The following OPRM1 variants were observed in gnomAD, a reference collection of about 807,000 sequenced individuals.
OPRM1 encodes the protein opioid receptor mu 1.
OPRM1 carries 27 observed loss-of-function variants against 31.8 expected under a neutral mutation model. The observed-to-expected ratio is 0.85, with a 90% CI of 0.63 to 1.17. OPRM1 has a LOEUF of 1.17. Ranked by LOEUF, OPRM1 falls within the 50% of genes most tolerant of loss-of-function variation. The pLI is 0.00. For missense variants in OPRM1, 536 were observed against 511.1 expected, an observed-to-expected ratio of 1.05 and a Z score of -0.47; for synonymous variants, 196 against 189.9, an observed-to-expected ratio of 1.03 and a Z score of -0.26.
chr6:154,042,096 C>A (rs957091075), intron 1 of OPRM1, among the ~76,000 whole-genome samples: 1 of 152,154 alleles, frequency 6.6e-6, no homozygotes. Context: ...AAAGTTCTTA[C>A]AAAATGCAGT....
intron 3 of OPRM1, chr6:154,246,557 A>G (rs1781063305): frequency 6.3e-7 from 1 of 1,581,900 alleles, no homozygotes; most frequent in Admixed American, 1.8e-5. Flanking sequence ...CCTCATTAAA[A>G]CGGCTGGGAA....
At chr6:154,105,012 A>G (rs968508759) in intron 3 of OPRM1, among the ~76,000 whole-genome samples, 17 of 152,230 alleles carry the variant, frequency 1.1e-4, no homozygotes, top group Admixed American at 2.6e-4. Flanking sequence ...CAGTTCCCCA[A>G]GGGACTTTTA....
upstream of OPRM1, chr6:154,039,135 C>T: frequency 6.5e-7 from 1 of 1,546,662 alleles, no homozygotes; most frequent in Admixed American, 2.0e-5. Context: ...CTCTCCCCAA[C>T]CCTTCTCTCC....
At chr6:154,235,764 T>C (rs1278484864) in intron 3 of OPRM1, among the ~76,000 whole-genome samples, 1 of 152,090 alleles carries the variant, frequency 6.6e-6, no homozygotes, top group Non-Finnish European at 1.5e-5. Context: ...CAAGAAGATA[T>C]GGAAATGGCC....
At chr6:154,183,317 C>T (rs761368317) in intron 3 of OPRM1, among the ~76,000 whole-genome samples, 21 of 152,150 alleles carry the variant, frequency 1.4e-4, no homozygotes, top group African/African-American at 4.6e-4. Context: ...ATTCACTTAT[C>T]GCTATGACTA....
intron 1 of OPRM1, among the ~76,000 whole-genome samples, chr6:154,014,839 T>C (rs781774500): frequency 1.3e-5 from 2 of 152,102 alleles, no homozygotes; most frequent in Non-Finnish European, 2.9e-5. Flanking sequence ...GAATAAGGCA[T>C]AGGGTATAAA....
chr6:154,240,213 A>G (rs1357886880), intron 3 of OPRM1, among the ~76,000 whole-genome samples: 2 of 152,268 alleles, frequency 1.3e-5, no homozygotes, highest in African/African-American at 4.8e-5. Context: ...TGTAATAATT[A>G]AGCAATTCCT....
intron 3 of OPRM1, among the ~76,000 whole-genome samples, chr6:154,240,881 T>C (rs1179484389): frequency 2.0e-5 from 3 of 152,222 alleles, no homozygotes; most frequent in Non-Finnish European, 2.9e-5. Context: ...AAAGTCTCTG[T>C]AATATATACA....
chr6:154,212,281 T>C (rs950265841), intron 3 of OPRM1, among the ~76,000 whole-genome samples: 2 of 152,220 alleles, frequency 1.3e-5, no homozygotes, highest in African/African-American at 2.4e-5. Context: ...TCCTCTCTAG[T>C]GAATACACAA....
At chr6:154,153,661 C>A (rs202068258) in intron 3 of OPRM1, among the ~76,000 whole-genome samples, 1 of 145,654 alleles carries the variant, frequency 6.9e-6, no homozygotes, top group Non-Finnish European at 1.5e-5. Context: ...CTCCAGCCTG[C>A]GCGACAGAGT....
chr6:154,033,060 TAGAG>T (rs1779099848), intron 1 of OPRM1, among the ~76,000 whole-genome samples: 2 of 152,102 alleles, frequency 1.3e-5, no homozygotes, highest in South Asian at 4.1e-4. Flanking sequence ...AAAAGGTTAA[TAGAG>T]AGAATGCTGG....
chr6:154,069,532 G>A (rs536286226), intron 1 of OPRM1, among the ~76,000 whole-genome samples: 3 of 152,212 alleles, frequency 2.0e-5, no homozygotes, highest in African/African-American at 4.8e-5. Flanking sequence ...CCACCGCGCC[G>A]AGCCCTGGCC....
intron 1 of OPRM1, among the ~76,000 whole-genome samples, chr6:154,040,552 C>T (rs1051860324): frequency 1.3e-5 from 2 of 152,156 alleles, no homozygotes; most frequent in Non-Finnish European, 2.9e-5. Context: ...AGCTTCAGAT[C>T]GCCTAAGTCA....
At chr6:154,144,041 TA>T (rs1405745183) in intron 3 of OPRM1, among the ~76,000 whole-genome samples, 1 of 152,138 alleles carries the variant, frequency 6.6e-6, no homozygotes, top group Non-Finnish European at 1.5e-5. Context: ...ATACTATAGA[TA>T]ATTCAACAAA....
Position 154,118,740 on chromosome 6 carries a change from C to A in OPRM1, c.*19C>A. 6.2e-7 allele frequency: 1 copy of A among 1,612,620 alleles called. No homozygotes were observed. ...GCCCTAACAGGGTCTCATGCCATTCCGACCTTCACCAAGCTTAGAAGCCAC... is the reference window on the plus strand; with the variant it reads ...GCCCTAACAGGGTCTCATGCCATTCAGACCTTCACCAAGCTTAGAAGCCAC... On this transcript the variant is annotated 3_prime_UTR_variant, in exon 4 of 4. Coordinates refer to ENST00000330432, the MANE Select transcript of OPRM1 (RefSeq NM_000914.5).
At chr6:154,104,942 T>A (rs572691) in intron 3 of OPRM1, among the ~76,000 whole-genome samples, 11,051 of 152,262 alleles carry the variant, frequency 0.073, 666 homozygotes, top group Admixed American at 0.2. Flanking sequence ...GAAAATGACG[T>A]TCTTTACTTA....
chr6:154,219,735 AG>A (rs1398236800), intron 3 of OPRM1, among the ~76,000 whole-genome samples: 3 of 152,210 alleles, frequency 2.0e-5, no homozygotes, highest in Non-Finnish European at 2.9e-5. Flanking sequence ...AAGAAAACCA[AG>A]GGGATAAAAA....
intron 1 of OPRM1, among the ~76,000 whole-genome samples, chr6:154,026,271 T>A (rs59937121): frequency 0.02 from 3,031 of 152,254 alleles, 123 homozygotes; most frequent in African/African-American, 0.069. Context: ...TCTCCTGGCC[T>A]GTAAAGTTTC....
chr6:154,230,138 G>A (rs1779608278), intron 3 of OPRM1, among the ~76,000 whole-genome samples: 1 of 152,098 alleles, frequency 6.6e-6, no homozygotes, highest in South Asian at 2.1e-4. Flanking sequence ...TTATTATGAT[G>A]GTTGCATCAC....
Sources: allele counts gnomAD v4.1 joint callset (sites outside exome capture counted in the v4.1 genomes callset), GRCh38; gene constraint gnomAD v4.1.1; transcripts MANE v1.5; gene names NCBI Gene and HGNC (gene_info 2026-07-23, HGNC 2026-07-21).